Variants in TUBGCP2 observed in about 807,000 individuals in gnomAD.
The protein encoded by TUBGCP2 is gamma-tubulin complex component 2.
A neutral mutation model predicts 92.2 loss-of-function variants in TUBGCP2; 55 were observed. That is an observed-to-expected ratio of 0.60 (90% confidence interval 0.48 to 0.75). The LOEUF is 0.75. Among genes scored for constraint, TUBGCP2 ranks in the 30% least tolerant of loss-of-function variants. The pLI, the probability that TUBGCP2 is intolerant of heterozygous loss-of-function variation, is 0.00. For missense variants in TUBGCP2, 1,093 were observed against 1,188.9 expected, an observed-to-expected ratio of 0.92 and a Z score of 1.19; for synonymous variants, 533 against 505.2, an observed-to-expected ratio of 1.06 and a Z score of -0.74.
At chr10:133,310,418 G>C (rs143383818), upstream of TUBGCP2, 878 of 1,194,812 alleles carry the variant, frequency 7.3e-4, 6 homozygotes, top group East Asian at 0.018. Flanking sequence ...TCACCTGCAG[G>C]TACCTGAAGC....
intron 8 of TUBGCP2, among the ~76,000 whole-genome samples, chr10:133,291,266 CCCCCATGTCCCTCCGTGT>C (rs1285616887): frequency 1.9e-5 from 1 of 51,998 alleles, no homozygotes; most frequent in East Asian, 5.2e-4. Context: ...CCCTCCGTGT[CCCCCATGTCCCTCCGTGT>C]CCCTGTGTCC....
intron 9 of TUBGCP2, 93 bp downstream of exon 9, chr10:133,289,731 G>C: frequency 1.4e-6 from 2 of 1,396,558 alleles, no homozygotes; most frequent in Admixed American, 4.2e-5. Flanking sequence ...CACAGGGTGA[G>C]GCACAGGCTC....
chr10:133,300,770 G>A (rs1402475353), intron 2 of TUBGCP2, among the ~76,000 whole-genome samples: 1 of 152,108 alleles, frequency 6.6e-6, no homozygotes, highest in African/African-American at 2.4e-5. Context: ...CCCTGCGCCC[G>A]CCCTTTTATG....
At chr10:133,292,963 GTCTC>G (rs1847396137) in intron 7 of TUBGCP2, 72 bp downstream of exon 7, 8 of 1,519,666 alleles carry the variant, frequency 5.3e-6, no homozygotes, top group East Asian at 2.3e-5. Context: ...CCCCTGCAGA[GTCTC>G]TCCTCACACT....
At chr10:133,287,388 T>C (rs1847157327) in intron 11 of TUBGCP2, among the ~76,000 whole-genome samples, 1 of 152,122 alleles carries the variant, frequency 6.6e-6, no homozygotes, top group African/African-American at 2.4e-5. Flanking sequence ...TCAACCAGCC[T>C]GGGCAACACA....
chr10:133,293,155 T>G lies in TUBGCP2; in HGVS notation c.908A>C (p.His303Pro), dbSNP rs768071636. The G allele has an allele frequency of 5.6e-6, 9 of 1,613,908 alleles. No individual in the cohort carries two copies. Among genetic ancestry groups the G allele is most frequent in the Non-Finnish European group, 6.8e-6 (8 of 1,180,038 alleles). The part of the protein sequence containing the change: ...AAAMRTLVKE[H>P]LILVSQLEQL... ...CTCCAGCTGTGACACCAGAATCAGGTGCTCCTTCACCAGGGTGCGCATGGC... is the reference window on the plus strand; with the variant it reads ...CTCCAGCTGTGACACCAGAATCAGGGGCTCCTTCACCAGGGTGCGCATGGC... Residue 303 changes from histidine (H) to proline (P), a missense_variant, in exon 7 of 18, where the codon CAC becomes CCC. Around this residue, in one of 3 missense-constraint regions of TUBGCP2, gnomAD observed 490 missense variants for 488.5 expected, o/e 1.00. Coordinates refer to ENST00000252936, the MANE Select transcript of TUBGCP2 (RefSeq NM_006659.4).
rs370556173 is a variant in TUBGCP2 at position 133,285,470 on chromosome 10, C to A, written c.1881G>T (p.Ser627=). The change falls in exon 12 of 18, where the codon TCG becomes TCT. Residue 627 remains serine, a synonymous_variant. Transcript: ENST00000252936. The surrounding 1 kb of genome is among the most constrained non-coding windows in gnomAD (Gnocchi z 6.8). ...SFDYIVKWPL[S]LIINRKALTR... is the part of the protein sequence containing the mutation. ...CCGACCCGCACCTGTTGATGATGAG[C>A]GAAAGGGGCCACTTGACGATGTAGT... 5.6e-6 allele frequency: 9 copies of A among 1,613,428 alleles called. No homozygotes were observed. The African/African-American group carries it at 1.2e-4, about 22-fold the overall frequency.
In TUBGCP2 at chr10:133,293,528, G is replaced by A. The variant is rs757136517; in HGVS notation, c.824+34C>T. ...GGGACCTAACCCCTCCCCCACAACA[G>A]CGCAGGCTCCCAGGGACCGCGCCCG... On this transcript the variant is annotated intron_variant, in intron 6 of 17. Transcript: ENST00000252936. 4 of 1,546,336 alleles carry A rather than the reference G, an allele frequency of 2.6e-6. 1 individual carries two copies. In the South Asian group the frequency reaches 4.8e-5, roughly 18 times the overall value.
rs3747888 is a variant in TUBGCP2 at position 133,281,472 on chromosome 10, C to T, written c.2410-36G>A. The T allele has an allele frequency of 7.2e-4, 1,153 of 1,601,410 alleles. 29 individuals carry two copies. In the East Asian group the frequency reaches 0.026, roughly 36 times the overall value. ...AGCCGGGGTGCGTGAGCCATGCCCA[C>T]CCCCACCGTGGGCCTTCTTGGCTCC... On this transcript the variant is annotated intron_variant, in intron 16 of 17. Coordinates refer to ENST00000252936, the MANE Select transcript of TUBGCP2 (RefSeq NM_006659.4).
At chr10:133,280,954 G>A in intron 17 of TUBGCP2, among the ~76,000 whole-genome samples, 1 of 150,770 alleles carries the variant, frequency 6.6e-6, no homozygotes, top group Non-Finnish European at 1.5e-5. Flanking sequence ...CACTGGGCCA[G>A]GGCGGTGTTG....
intron 16 of TUBGCP2, 37 bp from the exon 17 acceptor site, chr10:133,281,473 C>A (rs1564933413): frequency 6.2e-7 from 1 of 1,601,108 alleles, no homozygotes; most frequent in Non-Finnish European, 8.5e-7. Flanking sequence ...CCATGCCCAC[C>A]CCCACCGTGG....
At chr10:133,311,990 C>A, upstream of TUBGCP2, 1 of 1,605,742 alleles carries the variant, frequency 6.2e-7, no homozygotes, top group Non-Finnish European at 8.5e-7. Flanking sequence ...AGAAGAAAGT[C>A]CAGATATCTC....
At chr10:133,310,215 C>T (rs1449551406), upstream of TUBGCP2, 3 of 1,614,014 alleles carry the variant, frequency 1.9e-6, no homozygotes, top group Non-Finnish European at 1.7e-6. Context: ...CAGCAGAGAC[C>T]GGAAGGATCA....
At chr10:133,305,057 G>A (rs1223084253) in intron 1 of TUBGCP2, among the ~76,000 whole-genome samples, 2 of 152,070 alleles carry the variant, frequency 1.3e-5, no homozygotes, top group East Asian at 1.9e-4. Flanking sequence ...AAGACTCTAC[G>A]CCTCCAACTC....
intron 4 of TUBGCP2, among the ~76,000 whole-genome samples, chr10:133,299,041 T>A (rs1030575400): frequency 6.6e-6 from 1 of 152,222 alleles, no homozygotes; most frequent in Non-Finnish European, 1.5e-5. Flanking sequence ...AATTACTGTA[T>A]TTTCGAGAAT....
In TUBGCP2 at chr10:133,292,584, G is replaced by A. The variant is rs1436148040; in HGVS notation, c.1129C>T (p.Leu377=). ...TGDSQAQELC[L]YLTKAASAPY... ...GCACTGGCCGCCTTGGTTAGGTACAGGCATAGCTCCTGCGCCTGGCTGTCC... is the reference window on the plus strand; with the variant it reads ...GCACTGGCCGCCTTGGTTAGGTACAAGCATAGCTCCTGCGCCTGGCTGTCC... The change falls in exon 8 of 18, where the codon CTG becomes TTG. Residue 377 remains leucine (L), a synonymous_variant. Coordinates refer to ENST00000252936, the MANE Select transcript of TUBGCP2 (RefSeq NM_006659.4). The A allele has an allele frequency of 6.2e-7, 1 of 1,614,188 alleles. No individual in the cohort carries two copies. The highest frequency in any genetic ancestry group is 1.7e-5 in the Admixed American group (1 of 60,020).
At chr10:133,308,656 C>CA (rs1430961729) in intron 1 of TUBGCP2, 167 bp downstream of exon 1, 1 of 225,462 alleles carries the variant, frequency 4.4e-6, no homozygotes, top group Non-Finnish European at 8.6e-6. Flanking sequence ...CTGGCCGGTG[C>CA]AGGCCCGAAG....
rs35736540 is a variant in TUBGCP2 at position 133,285,117 on chromosome 10, G to A, written c.1992C>T (p.Thr664=). ...QLCSVWISNK[T]AKQHSLHSAQ... ...CGGAGTGCAGCGAGTGCTGCTTGGC[G>A]GTTTTGTTGCTGATCCAGACGCTGC... The change falls in exon 13 of 18, where the codon ACC becomes ACT. Residue 664 remains threonine, a synonymous_variant. Transcript: ENST00000252936. The surrounding 1 kb of genome is among the most constrained non-coding windows in gnomAD (Gnocchi z 6.8). 24,973 of 1,611,106 alleles carry A rather than the reference G, an allele frequency of 0.016. 261 individuals are homozygous for A. Among genetic ancestry groups the A allele is most frequent in the Middle Eastern group, 0.031 (189 of 6,032 alleles).
At chr10:133,310,058 C>G, upstream of TUBGCP2, 1 of 1,608,548 alleles carries the variant, frequency 6.2e-7, no homozygotes, top group Admixed American at 1.7e-5. Flanking sequence ...CTCGGGTGCT[C>G]GGGCAAGGCC....
Sources: allele counts gnomAD v4.1 joint callset (sites outside exome capture counted in the v4.1 genomes callset), GRCh38; gene constraint gnomAD v4.1.1; regional missense constraint gnomAD v4.1.1; non-coding constraint Gnocchi (gnomAD v3.1); transcripts MANE v1.5; gene names NCBI Gene and HGNC (gene_info 2026-07-23, HGNC 2026-07-21).